Variants in DIAPH3 observed in about 807,000 individuals in gnomAD.
DIAPH3 encodes protein diaphanous homolog 3.
A neutral mutation model predicts 144.3 loss-of-function variants in DIAPH3; 117 were observed. That is an observed-to-expected ratio of 0.81 (90% CI 0.70 to 0.95). The LOEUF (loss-of-function observed/expected upper bound fraction) is 0.95. Among genes scored for constraint, DIAPH3 ranks in the 40% least tolerant of loss-of-function variants. DIAPH3 has a pLI of 0.00. For missense variants in DIAPH3, 1,421 were observed against 1,412.7 expected (o/e 1.01, Z -0.09); for synonymous variants, 519 against 488.9 (o/e 1.06, Z -0.81).
intron 27 of DIAPH3, among the ~76,000 whole-genome samples, chr13:59,704,840 G>A (rs1235187796): frequency 6.6e-6 from 1 of 152,122 alleles, no homozygotes; most frequent in Non-Finnish European, 1.5e-5. Context: ...ATATTTCATC[G>A]TTAAGTGCCG....
At chr13:59,928,303 T>A (rs1311043066) in intron 17 of DIAPH3, among the ~76,000 whole-genome samples, 2 of 152,180 alleles carry the variant, frequency 1.3e-5, no homozygotes, top group African/African-American at 2.4e-5. Context: ...TTTCTTTATA[T>A]TGTCTACTTG....
rs113622556 is a variant in DIAPH3, at chr13:60,047,022, G to A, written c.496-4202C>T. Among the ~76,000 whole-genome samples the A allele has an allele frequency of 4.6e-5, 7 of 152,114 alleles. No individual in the cohort carries two copies. The East Asian group carries it at 1.3e-3, about 29-fold the overall frequency. On this transcript the variant is annotated intron_variant, in intron 4 of 27. Coordinates refer to ENST00000400324, the MANE Select transcript of DIAPH3 (RefSeq NM_001042517.2). ...GATAGCATTAGGACAAATACCTAAT[G>A]TAAATGATGGGTTGATAGGTGCAGC... is the stretch of plus-strand genomic sequence containing the variant.
chr13:59,921,789 CTT>C (rs1376642990), intron 18 of DIAPH3, among the ~76,000 whole-genome samples: 1 of 152,022 alleles, frequency 6.6e-6, no homozygotes, highest in East Asian at 1.9e-4. Flanking sequence ...AGGAAAGCTA[CTT>C]GTCAATAACC....
At position 59,916,223 on chromosome 13, in the gene DIAPH3, G is replaced by A. The variant is rs774027850; in HGVS notation, c.2197C>T (p.Pro733Ser). ...ATCATCATTCTGATTTCCTCATATG[G>A]CACCCGAAAAGAGCTCAGGAAGATT... ...LSIFLSSFRV[P>S]YEEIRMMILE... The change falls in exon 19 of 28, where the codon CCA becomes TCA. Residue 733 changes from proline to serine, a missense_variant. Transcript: ENST00000400324. The A allele has an allele frequency of 6.2e-7, 1 of 1,613,078 alleles. No individual in the cohort carries two copies. The highest frequency in any genetic ancestry group is 1.3e-5 in the African/African-American group (1 of 74,936).
intron 20 of DIAPH3, among the ~76,000 whole-genome samples, chr13:59,895,791 C>T (rs2046059821): frequency 6.6e-6 from 1 of 152,170 alleles, no homozygotes; most frequent in Non-Finnish European, 1.5e-5. Context: ...AGTCAGTGGT[C>T]AGGCCACAAG....
chr13:60,084,625 T>A (rs2057689661), intron 4 of DIAPH3, among the ~76,000 whole-genome samples: 1 of 151,758 alleles, frequency 6.6e-6, no homozygotes, highest in Non-Finnish European at 1.5e-5. Flanking sequence ...ACAAATAAAA[T>A]CTACCATAAC....
intron 4 of DIAPH3, among the ~76,000 whole-genome samples, chr13:60,060,759 A>G (rs1448595764): frequency 6.6e-6 from 1 of 152,112 alleles, no homozygotes; most frequent in African/African-American, 2.4e-5. Context: ...AATAGACCTA[A>G]ATTTACTCAA....
At chr13:59,810,968 C>T (rs780783171) in intron 24 of DIAPH3, 45 bp from the exon 25 acceptor site, 1 of 1,542,082 alleles carries the variant, frequency 6.5e-7, no homozygotes, top group Non-Finnish European at 8.8e-7. Flanking sequence ...AGTGATTCAT[C>T]CCGCAAAATG....
Position 60,023,723 on chromosome 13 carries a change from C to T in DIAPH3, c.627-7578G>A, listed in dbSNP as rs1216584243. On this transcript the variant is annotated intron_variant, in intron 5 of 27. Coordinates refer to ENST00000400324, the MANE Select transcript of DIAPH3 (RefSeq NM_001042517.2). Reference sequence around the variant, plus strand: ...TGCTGGGATTACAGGCGTGAGCCACCGTGCCCAGCCTAGTTCTCAGGAATT... The same window carrying T: ...TGCTGGGATTACAGGCGTGAGCCACTGTGCCCAGCCTAGTTCTCAGGAATT... Among the ~76,000 whole-genome samples the T allele has an allele frequency of 5.9e-5, 9 of 151,784 alleles. No individual in the cohort carries two copies. In the South Asian group the frequency reaches 6.2e-4, roughly 11 times the overall value.
intron 3 of DIAPH3, among the ~76,000 whole-genome samples, 193 bp from the exon 4 acceptor site, chr13:60,093,925 C>G (rs997458853): frequency 2.0e-5 from 3 of 152,186 alleles, no homozygotes; most frequent in Admixed American, 2.0e-4. Flanking sequence ...TATTCTAGAT[C>G]ATTTTAACAG....
chr13:59,687,995 G>T (rs1325269326), intron 27 of DIAPH3, among the ~76,000 whole-genome samples: 1 of 152,060 alleles, frequency 6.6e-6, no homozygotes, highest in Non-Finnish European at 1.5e-5. Flanking sequence ...AGCCTTCAGA[G>T]ATTAGCATTC....
At position 59,992,602 on chromosome 13, in the gene DIAPH3, TGA is replaced by T; in HGVS notation, c.1015-21_1015-20del. 2 of 1,577,876 alleles carry T rather than the reference TGA, an allele frequency of 1.3e-6. No homozygotes were observed. Among genetic ancestry groups the T allele is most frequent in the Non-Finnish European group, 1.7e-6 (2 of 1,148,946 alleles). Reference sequence around the variant, plus strand: ...AAGCTACCTACAAGAGATCAAACAGTGAGACAGACTGGGTTTCCAACATTAAA... The same window carrying T: ...AAGCTACCTACAAGAGATCAAACAGTGACAGACTGGGTTTCCAACATTAAA... On this transcript the variant is annotated intron_variant, in intron 9 of 27. Transcript: ENST00000400324.
At chr13:59,995,163 A>T (rs2052112864) in intron 9 of DIAPH3, among the ~76,000 whole-genome samples, 1 of 151,840 alleles carries the variant, frequency 6.6e-6, no homozygotes, top group Admixed American at 6.6e-5. Context: ...CAAAATTCTG[A>T]TTGAGATGTA....
At chr13:59,982,061 C>A (rs988021072) in intron 13 of DIAPH3, among the ~76,000 whole-genome samples, 1 of 151,300 alleles carries the variant, frequency 6.6e-6, no homozygotes, top group African/African-American at 2.4e-5. Flanking sequence ...TTTCCAATAC[C>A]TTTTCTCCCC....
intron 4 of DIAPH3, among the ~76,000 whole-genome samples, chr13:60,062,431 C>T (rs1394014431): frequency 6.6e-6 from 1 of 152,128 alleles, no homozygotes; most frequent in Non-Finnish European, 1.5e-5. Context: ...GTAATTCTTT[C>T]CAGAGTAGTT....
intron 9 of DIAPH3, among the ~76,000 whole-genome samples, chr13:59,998,604 A>G (rs1181991733): frequency 1.3e-5 from 2 of 152,154 alleles, no homozygotes; most frequent in East Asian, 3.9e-4. Flanking sequence ...AACTGCCAGT[A>G]AACTCTAGAT....
chr13:59,905,162 G>A (rs1230708774), intron 20 of DIAPH3, among the ~76,000 whole-genome samples: 2 of 151,578 alleles, frequency 1.3e-5, no homozygotes, highest in East Asian at 3.9e-4. Flanking sequence ...CTAAAATGGT[G>A]AAACCCCGTC....
At chr13:60,123,411 A>G (rs75820393) in intron 2 of DIAPH3, among the ~76,000 whole-genome samples, 6 of 152,344 alleles carry the variant, frequency 3.9e-5, no homozygotes, top group African/African-American at 1.4e-4. Flanking sequence ...ACCCTACTAC[A>G]TATTAGTATA....
chr13:59,756,526 C>G (rs1276034803), intron 27 of DIAPH3, among the ~76,000 whole-genome samples: 2 of 87,684 alleles, frequency 2.3e-5, no homozygotes, highest in Non-Finnish European at 4.1e-5. Context: ...GTCAGGCAGG[C>G]AGGGAGGGAG....
Sources: gnomAD v4.1 joint callset for allele counts (sites outside exome capture counted in the v4.1 genomes callset) on GRCh38, gnomAD v4.1.1 for gene constraint, MANE v1.5 for transcripts, NCBI Gene and HGNC (gene_info 2026-07-23, HGNC 2026-07-21) for gene names.